The following CACNA2D2 variants were observed in gnomAD, a reference collection of about 807,000 sequenced individuals.
CACNA2D2 encodes calcium voltage-gated channel auxiliary subunit alpha2delta 2.
CACNA2D2 carries 48 observed loss-of-function variants against 166.4 expected under a neutral mutation model. The observed-to-expected ratio is 0.29, with a 90% CI of 0.23 to 0.37. The LOEUF (loss-of-function observed/expected upper bound fraction) is 0.37, where lower values mean the gene tolerates loss of function less well. Ranked by LOEUF, CACNA2D2 falls within the 10% of genes least tolerant of loss-of-function variation. The pLI is 1.00. For synonymous variants in CACNA2D2, 561 were observed against 573.7 expected, an observed-to-expected ratio of 0.98 and a Z score of 0.32; for missense variants, 1,122 against 1,433.0, an observed-to-expected ratio of 0.78 and a Z score of 3.50.
rs148056009 is a variant in CACNA2D2 at position 50,476,160 on chromosome 3, G to A, written c.246C>T (p.Asp82=). Residue 82 remains aspartate (D), a synonymous_variant, in exon 2 of 38, where the codon GAC becomes GAT. Coordinates refer to ENST00000424201, the MANE Select transcript of CACNA2D2 (RefSeq NM_006030.4). ...HWARRLEQEV[D]GVMRIFGGVQ... ...CGCCTCCAAAAATCCGCATCACGCCGTCGACCTCCTGCTCCAGACGCCGGG... is the reference window on the plus strand; with the variant it reads ...CGCCTCCAAAAATCCGCATCACGCCATCGACCTCCTGCTCCAGACGCCGGG... 5.2e-5 allele frequency: 84 copies of A among 1,601,840 alleles called. No individual in the cohort carries two copies. The highest frequency in any genetic ancestry group is 6.7e-5 in the Non-Finnish European group (79 of 1,175,000).
At chr3:50,392,271 G>A (rs1302377451) in intron 4 of CACNA2D2, among the ~76,000 whole-genome samples, 5 of 152,304 alleles carry the variant, frequency 3.3e-5, no homozygotes, top group East Asian at 3.9e-4. Context: ...CTGGCAGCCC[G>A]AGCATAGCTG....
chr3:50,414,484 G>A (rs1018099028), intron 3 of CACNA2D2, among the ~76,000 whole-genome samples: 2 of 152,136 alleles, frequency 1.3e-5, no homozygotes, highest in Non-Finnish European at 2.9e-5. Context: ...CTCCTCTAGG[G>A]TAAACCATGA....
chr3:50,442,729 A>G lies in CACNA2D2; in HGVS notation c.289-8300T>C, dbSNP rs115915653. ...CCATTGGTTCTGGGTGTGCTGAGAT[A>G]CTGGAGCACTGACCACACCCCAGAG... On this transcript the variant is annotated intron_variant, in intron 2 of 37. Transcript: ENST00000424201. Among the ~76,000 whole-genome samples, 858 of 152,280 alleles carry G rather than the reference A, an allele frequency of 5.6e-3. 10 individuals carry two copies. Among genetic ancestry groups the G allele is most frequent in the African/African-American group, 0.019 (805 of 41,548 alleles).
intron 1 of CACNA2D2, among the ~76,000 whole-genome samples, chr3:50,500,098 C>A (rs571218592): frequency 2.6e-5 from 4 of 152,226 alleles, no homozygotes; most frequent in Non-Finnish European, 4.4e-5. Context: ...AAGGCCCAGA[C>A]AGACACACGT....
rs1444888334 is a variant in CACNA2D2 at position 50,365,216 on chromosome 3, G to C, written c.3099-32C>G. The C allele has an allele frequency of 6.2e-7, 1 of 1,604,230 alleles. No homozygotes were observed. The highest frequency in any genetic ancestry group is 1.7e-5 in the Admixed American group (1 of 59,670). ...GCAGCCCGGAAAGGCGGGGCGTTGA[G>C]TTTGCCCCGCCCTGACCCACCCCCA... On this transcript the variant is annotated intron_variant, in intron 35 of 37. Coordinates refer to ENST00000424201, the MANE Select transcript of CACNA2D2 (RefSeq NM_006030.4). The surrounding 1 kb of genome is among the most constrained non-coding windows in gnomAD (Gnocchi z 4.5).
Position 50,364,943 on chromosome 3 carries a change from A to C in CACNA2D2, c.3236T>G (p.Val1079Gly), listed in dbSNP as rs1387355726. ...HSDGPEQCEL[V>G]QRPRYRRGPH... ...GCCTCTCCGGTATCGCGGTCTCTGC[A>C]CTAGCTCACACTGCTCCGGGCCGTC... The change falls in exon 37 of 38, where the codon GTG becomes GGG. Residue 1079 changes from valine to glycine, a missense_variant. Coordinates refer to ENST00000424201, the MANE Select transcript of CACNA2D2 (RefSeq NM_006030.4). The C allele has an allele frequency of 5.6e-6, 9 of 1,612,956 alleles. No homozygotes were observed. The highest frequency in any genetic ancestry group is 7.6e-6 in the Non-Finnish European group (9 of 1,179,832).
intron 2 of CACNA2D2, among the ~76,000 whole-genome samples, chr3:50,447,046 A>G (rs1708878345): frequency 6.6e-6 from 1 of 152,144 alleles, no homozygotes; most frequent in African/African-American, 2.4e-5. Context: ...ATTCCAGGGA[A>G]AGGTGTAGCT....
intron 1 of CACNA2D2, 68 bp downstream of exon 1, chr3:50,503,150 G>C: frequency 1.0e-5 from 10 of 961,826 alleles, no homozygotes; most frequent in Non-Finnish European, 1.3e-5. Flanking sequence ...GGAAGGAGTA[G>C]CGCGGACCGG....
intron 5 of CACNA2D2, among the ~76,000 whole-genome samples, chr3:50,387,327 G>A (rs1408371365): frequency 6.6e-6 from 1 of 152,036 alleles, no homozygotes; most frequent in African/African-American, 2.4e-5. Flanking sequence ...CGTGCGGGAA[G>A]GGCCAAGCGC....
chr3:50,455,808 C>A (rs947546945), intron 2 of CACNA2D2, among the ~76,000 whole-genome samples: 41 of 152,210 alleles, frequency 2.7e-4, no homozygotes, highest in Admixed American at 4.6e-4. Flanking sequence ...CGGCGTCTCA[C>A]CAGCAGTAGC....
At chr3:50,488,678 C>T (rs1439585990) in intron 1 of CACNA2D2, among the ~76,000 whole-genome samples, 2 of 150,426 alleles carry the variant, frequency 1.3e-5, no homozygotes, top group East Asian at 3.9e-4. Context: ...AAAGCTTTCG[C>T]CATTTTCCTG....
chr3:50,426,142 T>C (rs1707799292), intron 3 of CACNA2D2, among the ~76,000 whole-genome samples: 1 of 152,140 alleles, frequency 6.6e-6, no homozygotes, highest in Non-Finnish European at 1.5e-5. Context: ...GGAGCCAGGG[T>C]AAGCAAGGGG....
chr3:50,373,339 T>A (rs587648583), intron 22 of CACNA2D2, among the ~76,000 whole-genome samples: 1 of 150,144 alleles, frequency 6.7e-6, no homozygotes, highest in South Asian at 2.1e-4. Context: ...GGGCGCCCGG[T>A]GGGGCCGGAG....
chr3:50,451,640 T>C (rs1313957209), intron 2 of CACNA2D2, among the ~76,000 whole-genome samples: 1 of 152,184 alleles, frequency 6.6e-6, no homozygotes, highest in African/African-American at 2.4e-5. Flanking sequence ...GTTTTATCGA[T>C]GGTACAGACT....
At position 50,458,915 on chromosome 3, in the gene CACNA2D2, G is replaced by C. The variant is rs146055092; in HGVS notation, c.288+17203C>G. Among the ~76,000 whole-genome samples the C allele has an allele frequency of 1.2e-3, 184 of 152,296 alleles. 1 individual carries two copies. The highest frequency in any genetic ancestry group is 4.1e-3 in the African/African-American group (170 of 41,550). On this transcript the variant is annotated intron_variant, in intron 2 of 37. Transcript: ENST00000424201. ...GTCAGGCCTGTGCCATCCCTTCCCC[G>C]GGTTTCTGGCCCAGCCCACCGACCT... is the stretch of plus-strand genomic sequence containing the variant.
chr3:50,379,003 G>C lies in CACNA2D2; in HGVS notation c.1261-10C>G. 1.9e-6 allele frequency: 3 copies of C among 1,613,952 alleles called. No homozygotes were observed. Among genetic ancestry groups the C allele is most frequent in the Non-Finnish European group, 2.5e-6 (3 of 1,180,026 alleles). ...AAGTAAACACGCGCACCTGTGGGGG[G>C]TTTGAGGTTACTGCTGTGGCCACCA... On this transcript the variant is annotated splice_polypyrimidine_tract_variant and intron_variant, in intron 12 of 37. Transcript: ENST00000424201. This position sits in a 1 kb window ranked among gnomAD's most constrained non-coding sequence, Gnocchi z 6.5.
At chr3:50,477,315 T>A (rs1409747754) in intron 1 of CACNA2D2, among the ~76,000 whole-genome samples, 1 of 152,164 alleles carries the variant, frequency 6.6e-6, no homozygotes, top group Non-Finnish European at 1.5e-5. Context: ...CAGGGTGTTA[T>A]AAGAACACAT....
At chr3:50,430,085 C>G (rs985977421) in intron 3 of CACNA2D2, among the ~76,000 whole-genome samples, 3 of 152,270 alleles carry the variant, frequency 2.0e-5, no homozygotes, top group East Asian at 3.9e-4. Flanking sequence ...AGATTCCTAG[C>G]GGGGCCTCCC....
chr3:50,496,629 C>T (rs750310138), intron 1 of CACNA2D2, among the ~76,000 whole-genome samples: 2 of 152,234 alleles, frequency 1.3e-5, no homozygotes, highest in Non-Finnish European at 2.9e-5. Context: ...AGTCGGGATC[C>T]ACATGCCCTT....
Sources: gnomAD v4.1 joint callset for allele counts (sites outside exome capture counted in the v4.1 genomes callset) on GRCh38, gnomAD v4.1.1 for gene constraint, Gnocchi (gnomAD v3.1) non-coding constraint, MANE v1.5 for transcripts, NCBI Gene and HGNC (gene_info 2026-07-23, HGNC 2026-07-21) for gene names.